BLTP3B: variants seen among roughly 807,000 people sequenced by gnomAD.
BLTP3B encodes the protein UHRF1 (ICBP90) binding protein 1-like.
At chr12:100,083,127 G>A in the BLTP3B span, 5 of 1,610,378 alleles carry the variant, frequency 3.1e-6, no homozygotes, top group South Asian at 5.5e-5. Flanking sequence ...TCAGAGGGTA[G>A]TCCTTCTCTG....
chr12:100,101,540 G>T, the BLTP3B span, among the ~76,000 whole-genome samples: 1 of 152,174 alleles, frequency 6.6e-6, no homozygotes, highest in African/African-American at 2.4e-5. Context: ...TAATGTGAAC[G>T]CAAAAATAAT....
the BLTP3B span, among the ~76,000 whole-genome samples, chr12:100,082,381 T>C: frequency 0.028 from 4,277 of 152,326 alleles, 81 homozygotes; most frequent in African/African-American, 0.057. Flanking sequence ...TTTTGCTGTA[T>C]AGAAGCTCTT....
the BLTP3B span, among the ~76,000 whole-genome samples, chr12:100,055,227 C>A: frequency 6.6e-6 from 1 of 152,302 alleles, no homozygotes; most frequent in African/African-American, 2.4e-5. Context: ...CTACTACTTA[C>A]TAGCTGCATA....
At chr12:100,063,254 T>A in the BLTP3B span, among the ~76,000 whole-genome samples, 1 of 152,112 alleles carries the variant, frequency 6.6e-6, no homozygotes, top group African/African-American at 2.4e-5. Flanking sequence ...ACTGTGCTGG[T>A]ACTCACAGCT....
chr12:100,094,326 G>T, the BLTP3B span, among the ~76,000 whole-genome samples: 1 of 151,976 alleles, frequency 6.6e-6, no homozygotes, highest in Non-Finnish European at 1.5e-5. Flanking sequence ...GCCCAGGCTG[G>T]TCCTGAATTA....
At chr12:100,079,422 A>G in the BLTP3B span, among the ~76,000 whole-genome samples, 9 of 152,214 alleles carry the variant, frequency 5.9e-5, no homozygotes, top group Admixed American at 5.2e-4. Context: ...GTTATGTTTT[A>G]GCAGACGGGC....
chr12:100,072,095 T>C, the BLTP3B span, among the ~76,000 whole-genome samples: 8 of 152,056 alleles, frequency 5.3e-5, no homozygotes, highest in East Asian at 1.9e-4. Flanking sequence ...ACCCTGTCTC[T>C]AGTAAAACAC....
the BLTP3B span, among the ~76,000 whole-genome samples, chr12:100,063,189 T>A: frequency 6.6e-6 from 1 of 152,082 alleles, no homozygotes; most frequent in African/African-American, 2.4e-5. Flanking sequence ...GGAGGACCCG[T>A]AGACCCTCTG....
chr12:100,086,229 A>G, the BLTP3B span: 2 of 1,251,564 alleles, frequency 1.6e-6, no homozygotes, highest in Non-Finnish European at 2.2e-6. Flanking sequence ...TAGCTATATA[A>G]TTTGAAAACA....
At chr12:100,098,278 A>T in the BLTP3B span, 55 of 1,454,332 alleles carry the variant, frequency 3.8e-5, no homozygotes, top group African/African-American at 6.8e-4. Flanking sequence ...CAACCATGAG[A>T]TGTGATTTTT....
the BLTP3B span, among the ~76,000 whole-genome samples, chr12:100,136,546 A>G: frequency 2.0e-5 from 3 of 152,188 alleles, no homozygotes. Flanking sequence ...CGTTAAATAC[A>G]TAAACTCTCA....
chr12:100,078,033 A>G, the BLTP3B span, among the ~76,000 whole-genome samples: 1 of 152,048 alleles, frequency 6.6e-6, no homozygotes, highest in Non-Finnish European at 1.5e-5. Flanking sequence ...TAGGAATTGG[A>G]ATTTCCTATT....
At chr12:100,141,403 G>T in the BLTP3B span, among the ~76,000 whole-genome samples, 2 of 147,388 alleles carry the variant, frequency 1.4e-5, no homozygotes, top group Admixed American at 1.4e-4. Context: ...GTGTATATAT[G>T]TGTATATATG....
At chr12:100,072,748 T>C in the BLTP3B span, 25 of 1,607,716 alleles carry the variant, frequency 1.6e-5, no homozygotes, top group South Asian at 7.8e-5. Context: ...GTGGAAGATA[T>C]AGGGATTTTT....
At chr12:100,052,822 C>T in the BLTP3B span, among the ~76,000 whole-genome samples, 5 of 126,896 alleles carry the variant, frequency 3.9e-5, no homozygotes, top group African/African-American at 6.3e-5. Context: ...AAGACAGAGT[C>T]TCGCTCTGTC....
chr12:100,056,854 A>G, the BLTP3B span, among the ~76,000 whole-genome samples: 1 of 151,994 alleles, frequency 6.6e-6, no homozygotes, highest in Non-Finnish European at 1.5e-5. Flanking sequence ...AGAAAAAAGA[A>G]AGTAATTCAT....
the BLTP3B span, among the ~76,000 whole-genome samples, chr12:100,129,495 A>G: frequency 6.6e-6 from 1 of 152,252 alleles, no homozygotes; most frequent in Non-Finnish European, 1.5e-5. Flanking sequence ...AACGGTGAAC[A>G]AGACAAGCAA....
At chr12:100,072,520 A>AAC in the BLTP3B span, 8 of 700,838 alleles carry the variant, frequency 1.1e-5, no homozygotes, top group South Asian at 2.0e-4. Flanking sequence ...CAGCCTGGGC[A>AAC]ACACAGTGAG....
chr12:100,138,455 T>C, the BLTP3B span, among the ~76,000 whole-genome samples: 2 of 152,240 alleles, frequency 1.3e-5, no homozygotes, highest in Non-Finnish European at 2.9e-5. Context: ...AATAATTATT[T>C]GTTGTGAGGG....
Sources: allele counts gnomAD v4.1 joint callset (sites outside exome capture counted in the v4.1 genomes callset), GRCh38; gene constraint gnomAD v4.1.1; transcripts MANE v1.5; gene names NCBI Gene and HGNC (gene_info 2026-07-23, HGNC 2026-07-21).